The following MYO18B variants were observed in gnomAD, a reference collection of about 807,000 sequenced individuals.
MYO18B encodes the protein myosin XVIIIB.
In MYO18B, 204 loss-of-function variants were observed where a neutral mutation model predicts 273.0. The observed-to-expected ratio is 0.75, with a 90% CI of 0.67 to 0.84. MYO18B has a LOEUF of 0.84. Ranked by LOEUF, MYO18B falls within the 40% of genes least tolerant of loss-of-function variation. The probability of loss-of-function intolerance (pLI) is 0.00; values close to 1 mark genes in which losing one functional copy is unlikely to be tolerated. For synonymous variants in MYO18B, 1,330 were observed against 1,305.7 expected (o/e 1.02, Z -0.40); for missense variants, 3,212 against 3,287.6 (o/e 0.98, Z 0.56).
intron 20 of MYO18B, among the ~76,000 whole-genome samples, chr22:25,851,110 G>A (rs2090414765): frequency 6.6e-6 from 1 of 152,130 alleles, no homozygotes; most frequent in African/African-American, 2.4e-5. Flanking sequence ...GGCTAACGTT[G>A]GGAAACTCAA....
chr22:25,850,870 G>T (rs2090405912), intron 20 of MYO18B, among the ~76,000 whole-genome samples: 1 of 152,096 alleles, frequency 6.6e-6, no homozygotes, highest in South Asian at 2.1e-4. Flanking sequence ...AAAACCCTAT[G>T]GCTTCTTCAA....
At chr22:25,780,608 AAAAAAAAAAAAAAAAAAAG>A (rs1270388953) in intron 9 of MYO18B, among the ~76,000 whole-genome samples, 6 of 142,722 alleles carry the variant, frequency 4.2e-5, no homozygotes, top group South Asian at 2.2e-4. Flanking sequence ...AAAAAAAAAA[AAAAAAAAAAAAAAAAAAAG>A]AAAGAAAGAA....
At position 25,768,607 on chromosome 22, in the gene MYO18B, C is replaced by T; in HGVS notation, c.691C>T (p.Leu231=). The part of the protein sequence containing the change: ...LGDPGQGTVA[L]KKGEEGQSIV... ...GGACCCAGGCCAAGGAACTGTGGCA[C>T]TGAAAAAAGGCGAGGAGGGTCAAAG... The change falls in exon 4 of 44, where the codon CTG becomes TTG. Residue 231 remains leucine (L), a synonymous_variant. Transcript: ENST00000335473. The T allele has an allele frequency of 6.6e-7, 1 of 1,525,886 alleles. No individual in the cohort carries two copies. Among genetic ancestry groups the T allele is most frequent in the Non-Finnish European group, 8.8e-7 (1 of 1,141,378 alleles). The allele number at this position is 1,525,886 out of a possible 1,614,324, so 94.5% of individuals were successfully genotyped here.
chr22:25,757,503 C>T (rs193251362), intron 1 of MYO18B, among the ~76,000 whole-genome samples: 117 of 151,956 alleles, frequency 7.7e-4, no homozygotes, highest in African/African-American at 2.7e-3. Flanking sequence ...AGGAGAATTG[C>T]TTGAACTCAG....
intron 39 of MYO18B, among the ~76,000 whole-genome samples, chr22:25,978,944 C>A (rs1479874283): frequency 6.6e-6 from 1 of 151,964 alleles, no homozygotes; most frequent in African/African-American, 2.4e-5. Flanking sequence ...AAGACTCTGT[C>A]TCCATAAAAA....
chr22:25,989,605 AC>A (rs1192465324), intron 39 of MYO18B, among the ~76,000 whole-genome samples: 1 of 125,116 alleles, frequency 8.0e-6, no homozygotes, highest in African/African-American at 3.0e-5. Context: ...ACACGGTGAA[AC>A]CCTGTCTCTA....
rs2146205979 is a variant in MYO18B, at chr22:25,878,064, C to T, written c.4314+16C>T. 1 of 1,560,986 alleles carries T rather than the reference C, an allele frequency of 6.4e-7. No individual in the cohort carries two copies. ...AGAAAGCAAGGTATCCCCATCCCTC[C>T]TCTTGGGTCCTTGTGGGGGGTCTTT... On this transcript the variant is annotated intron_variant, in intron 25 of 43. Transcript: ENST00000335473.
Position 25,883,547 on chromosome 22 carries a change from A to G in MYO18B, c.4314+5499A>G, listed in dbSNP as rs1268153136. On this transcript the variant is annotated intron_variant, in intron 25 of 43. Coordinates refer to ENST00000335473, the MANE Select transcript of MYO18B (RefSeq NM_032608.7). The surrounding 1 kb of genome is among the most constrained non-coding windows in gnomAD (Gnocchi z 7.6). ...ACCACACTTTGAGACACATTAGGCC[A>G]GAGAACAGCTAGAAGATATCTTCTT... 6.6e-6 allele frequency: 1 copy of G among 152,256 alleles called. No homozygotes were observed. The highest frequency in any genetic ancestry group is 1.5e-5 in the Non-Finnish European group (1 of 68,062). 9.4% of individuals were successfully genotyped at this position (152,256 alleles called of 1,614,324 possible). A position where few individuals can be genotyped will look rare whatever the true frequency, so the allele number is the denominator to read the frequency against.
At chr22:25,756,844 T>G (rs1026055426) in intron 1 of MYO18B, among the ~76,000 whole-genome samples, 4 of 152,076 alleles carry the variant, frequency 2.6e-5, no homozygotes, top group African/African-American at 7.2e-5. Flanking sequence ...GTGGATCACT[T>G]TAGGCCAGGA....
At chr22:26,051,921 C>A in the MYO18B span, among the ~76,000 whole-genome samples, 1 of 152,306 alleles carries the variant, frequency 6.6e-6, no homozygotes, top group Non-Finnish European at 1.5e-5. Context: ...CACAAAAATA[C>A]CACCGTAATA....
intron 7 of MYO18B, among the ~76,000 whole-genome samples, chr22:25,777,221 A>G (rs1222010250): frequency 6.6e-6 from 1 of 152,206 alleles, no homozygotes; most frequent in African/African-American, 2.4e-5. Flanking sequence ...ACTAATCGTA[A>G]TGGATAATTA....
chr22:25,789,281 TTATCTC>T (rs1165579461), intron 11 of MYO18B, among the ~76,000 whole-genome samples: 1 of 151,772 alleles, frequency 6.6e-6, no homozygotes, highest in Non-Finnish European at 1.5e-5. Flanking sequence ...CTTACTGAAT[TTATCTC>T]TATTCTCTTC....
rs900050150 is a variant in MYO18B at position 25,762,709 on chromosome 22, G to A, written c.40-522G>A. 4.6e-5 allele frequency among the ~76,000 whole-genome samples: 7 copies of A among 152,370 alleles called. No individual in the cohort carries two copies. In the South Asian group the frequency reaches 6.2e-4, roughly 14 times the overall value. ...TCAGTTGAATGGGTTGGAGCCACAA[G>A]GTCAGGTCCTTATATAAGTCATGGC... On this transcript the variant is annotated intron_variant, in intron 2 of 43. Transcript: ENST00000335473.
chr22:25,963,178 T>TCTCTCTCTCACACA (rs774304270), intron 39 of MYO18B, among the ~76,000 whole-genome samples: 7 of 144,072 alleles, frequency 4.9e-5, no homozygotes, highest in African/African-American at 1.8e-4. Context: ...TCTCTCTCTC[T>TCTCTCTCTCACACA]CACACACACA....
At chr22:25,774,904 G>T (rs2086858736) in intron 7 of MYO18B, among the ~76,000 whole-genome samples, 1 of 152,262 alleles carries the variant, frequency 6.6e-6, no homozygotes, top group African/African-American at 2.4e-5. Context: ...TCCCATCTCT[G>T]TGTGCAGAGC....
chr22:25,974,472 A>ATT (rs2093067901), intron 39 of MYO18B, among the ~76,000 whole-genome samples: 2 of 152,366 alleles, frequency 1.3e-5, no homozygotes, highest in South Asian at 4.1e-4. Context: ...AATGCTACAC[A>ATT]ATTTTAGAAC....
At position 25,955,248 on chromosome 22, in the gene MYO18B, G is replaced by A. The variant is rs567989287; in HGVS notation, c.6040G>A (p.Glu2014Lys). 35 of 1,613,650 alleles carry A rather than the reference G, an allele frequency of 2.2e-5. No homozygotes were observed. The East Asian group carries it at 7.1e-4, about 33-fold the overall frequency. ...GGAGCTTTCACAGGCGGCCACCTCC[G>A]AGTCCCAGCAGCGGGAGAGCAGCCA... The part of the protein sequence containing the change: ...GEELSQAATS[E>K]SQQRESSQYY... Residue 2014 changes from glutamate (E) to lysine (K), a missense_variant, in exon 39 of 44, where the codon GAG becomes AAG. Coordinates refer to ENST00000335473, the MANE Select transcript of MYO18B (RefSeq NM_032608.7).
At chr22:25,815,256 C>G (rs1482366557) in intron 12 of MYO18B, among the ~76,000 whole-genome samples, 1 of 152,214 alleles carries the variant, frequency 6.6e-6, no homozygotes, top group Non-Finnish European at 1.5e-5. Context: ...AGGGGACCAT[C>G]TAGATCTGGG....
chr22:26,009,300 A>T (rs532416088), intron 42 of MYO18B, among the ~76,000 whole-genome samples: 2 of 152,114 alleles, frequency 1.3e-5, no homozygotes, highest in South Asian at 4.2e-4. Flanking sequence ...TCTCCCTAAA[A>T]CACTCTGATT....
Sources: allele counts gnomAD v4.1 joint callset (sites outside exome capture counted in the v4.1 genomes callset), GRCh38; gene constraint gnomAD v4.1.1; non-coding constraint Gnocchi (gnomAD v3.1); transcripts MANE v1.5; gene names NCBI Gene and HGNC (gene_info 2026-07-23, HGNC 2026-07-21).